The following CLEC16A variants were observed in gnomAD, a reference collection of about 807,000 sequenced individuals.
CLEC16A encodes the protein C-type lectin domain containing 16A, also known as protein CLEC16A.
A neutral mutation model predicts 109.5 loss-of-function variants in CLEC16A; 51 were observed. The ratio of observed to expected loss-of-function variants is 0.47; its 90% CI spans 0.37 to 0.59. The LOEUF (loss-of-function observed/expected upper bound fraction) is 0.59. Among genes scored for constraint, CLEC16A ranks in the 20% least tolerant of loss-of-function variants. The probability of loss-of-function intolerance (pLI) is 0.00; values close to 1 mark genes in which losing one functional copy is unlikely to be tolerated. For synonymous variants in CLEC16A, 673 were observed against 564.2 expected, an observed-to-expected ratio of 1.19 and a Z score of -2.73; for missense variants, 1,339 against 1,394.0, an observed-to-expected ratio of 0.96 and a Z score of 0.63.
chr16:11,136,222 C>CAT (rs2053552566), intron 22 of CLEC16A: 1 of 152,186 alleles, frequency 6.6e-6, no homozygotes, highest in African/African-American at 2.4e-5. Flanking sequence ...TCAGTTTATT[C>CAT]ATATAAGAAA....
At chr16:11,030,658 C>G (rs1338557825) in intron 13 of CLEC16A, among the ~76,000 whole-genome samples, 1 of 151,928 alleles carries the variant, frequency 6.6e-6, no homozygotes, top group Non-Finnish European at 1.5e-5. Flanking sequence ...TGTTTTGTTT[C>G]TTTTAAGACG....
chr16:11,105,038 T>C (rs923912778), intron 19 of CLEC16A, among the ~76,000 whole-genome samples: 1 of 152,202 alleles, frequency 6.6e-6, no homozygotes, highest in Non-Finnish European at 1.5e-5. Flanking sequence ...TATTCAGATC[T>C]TTTCTTGGAA....
rs1473633778 is a variant in CLEC16A, at chr16:11,147,252, AG to A, written c.2642-19135del. On this transcript the variant is annotated intron_variant, in intron 22 of 23. Coordinates refer to ENST00000409790, the MANE Select transcript of CLEC16A (RefSeq NM_015226.3). ...ATTTCCGCCCTGGCCAGATAAGGGG[AG>A]CTGAGACCCCAGTCCTGTATCCCAG... Among the ~76,000 whole-genome samples the A allele has an allele frequency of 7.9e-5, 12 of 152,086 alleles. 1 individual carries two copies. The highest frequency in any genetic ancestry group is 7.9e-4 in the Admixed American group (12 of 15,274).
At chr16:10,963,929 C>T (rs866885825) in intron 3 of CLEC16A, among the ~76,000 whole-genome samples, 1 of 152,176 alleles carries the variant, frequency 6.6e-6, no homozygotes, top group African/African-American at 2.4e-5. Context: ...TCCCCAGTGC[C>T]GAGGCTGAGA....
chr16:11,035,441 A>G (rs1395049508), intron 13 of CLEC16A, among the ~76,000 whole-genome samples: 1 of 152,236 alleles, frequency 6.6e-6, no homozygotes, highest in African/African-American at 2.4e-5. Context: ...ATCACATGAC[A>G]TACATAGCTT....
chr16:11,169,223 G>T (rs1190779597), intron 23 of CLEC16A, among the ~76,000 whole-genome samples: 2 of 152,208 alleles, frequency 1.3e-5, no homozygotes, highest in Non-Finnish European at 2.9e-5. Flanking sequence ...GAGAGCGGCT[G>T]CCAGACCCTC....
rs575845762 is a variant in CLEC16A, at chr16:11,160,639, C to T, written c.2642-5749C>T. The stretch of plus-strand genomic sequence containing the variant: ...CCCTAGGGGACTTAACTCACATCCC[C>T]GCATTAACAAAGTTTTTTCCCTAAC... On this transcript the variant is annotated intron_variant, in intron 22 of 23. Transcript: ENST00000409790. Among the ~76,000 whole-genome samples, 9 of 152,280 alleles carry T rather than the reference C, an allele frequency of 5.9e-5. No homozygotes were observed. The South Asian group carries it at 8.3e-4, about 14-fold the overall frequency.
intron 19 of CLEC16A, among the ~76,000 whole-genome samples, chr16:11,098,190 A>G (rs2050714772): frequency 6.6e-6 from 1 of 152,242 alleles, no homozygotes; most frequent in Non-Finnish European, 1.5e-5. Context: ...ACGCACTAGC[A>G]TGGTGGCAAA....
At chr16:10,981,364 C>T (rs145137282) in intron 9 of CLEC16A, among the ~76,000 whole-genome samples, 12 of 152,260 alleles carry the variant, frequency 7.9e-5, no homozygotes, top group African/African-American at 2.9e-4. Flanking sequence ...TAAGGGCCTG[C>T]CAAGCCTTGG....
At chr16:11,153,435 C>G (rs2054374889) in intron 22 of CLEC16A, among the ~76,000 whole-genome samples, 1 of 151,760 alleles carries the variant, frequency 6.6e-6, no homozygotes, top group African/African-American at 2.4e-5. Flanking sequence ...CTTAATTTTC[C>G]CAGATTTGCT....
intron 19 of CLEC16A, among the ~76,000 whole-genome samples, chr16:11,111,529 C>G (rs1461231638): frequency 6.6e-6 from 1 of 152,222 alleles, no homozygotes; most frequent in African/African-American, 2.4e-5. Context: ...GACCCCACCA[C>G]TTGATGGGAG....
chr16:11,105,503 G>A (rs912392824), intron 19 of CLEC16A, among the ~76,000 whole-genome samples: 20 of 152,210 alleles, frequency 1.3e-4, no homozygotes, highest in Non-Finnish European at 8.8e-5. Flanking sequence ...ATTTGACACG[G>A]GGGAAAGATG....
Position 11,123,877 on chromosome 16 carries a change from A to G in CLEC16A, c.2404A>G (p.Ile802Val), listed in dbSNP as rs780520711. The G allele has an allele frequency of 3.7e-6, 6 of 1,613,972 alleles. No homozygotes were observed. In the South Asian group the frequency reaches 5.5e-5, roughly 15 times the overall value. The change falls in exon 21 of 24, where the codon ATC (isoleucine) becomes GTC (valine). Residue 802 changes from isoleucine to valine, a missense_variant. Physicochemically the swap from Ile to Val is conservative, Grantham distance 29 (BLOSUM62 3). Around this residue, in one of 3 missense-constraint regions of CLEC16A, gnomAD observed 1,061 missense variants for 1,006.8 expected, o/e 1.05. Coordinates refer to ENST00000409790, the MANE Select transcript of CLEC16A (RefSeq NM_015226.3). ...TFIFSDHIRC[I>V]IAKQRLAKGR... ...CATCTTCTCAGACCACATCCGCTGC[A>G]TCATCGCCAAGCAGCGCCTGGCCAA...
intron 14 of CLEC16A, chr16:11,040,894 G>A (rs1259342816): frequency 6.6e-6 from 1 of 152,192 alleles, no homozygotes; most frequent in Non-Finnish European, 1.5e-5. Context: ...GACTGGCAGG[G>A]AGGTGGGCAG....
At chr16:11,037,228 C>G (rs1196424681) in intron 13 of CLEC16A, among the ~76,000 whole-genome samples, 1 of 152,216 alleles carries the variant, frequency 6.6e-6, no homozygotes, top group Non-Finnish European at 1.5e-5. Flanking sequence ...GACGGGCCCC[C>G]TGTGTGCTCC....
chr16:11,147,466 G>A (rs2054112874), intron 22 of CLEC16A, among the ~76,000 whole-genome samples: 1 of 152,226 alleles, frequency 6.6e-6, no homozygotes, highest in Non-Finnish European at 1.5e-5. Context: ...ACAGAACCTG[G>A]AGGGCAAGGT....
At chr16:10,997,410 A>G (rs1348042518) in intron 10 of CLEC16A, among the ~76,000 whole-genome samples, 1 of 152,238 alleles carries the variant, frequency 6.6e-6, no homozygotes, top group African/African-American at 2.4e-5. Flanking sequence ...TGGTATTCCC[A>G]TAAAGCCCCT....
intron 22 of CLEC16A, among the ~76,000 whole-genome samples, chr16:11,153,174 G>A (rs888575526): frequency 6.6e-6 from 1 of 152,060 alleles, no homozygotes; most frequent in Non-Finnish European, 1.5e-5. Context: ...ACTGCCCTCC[G>A]CCTGCTTCCT....
intron 13 of CLEC16A, among the ~76,000 whole-genome samples, chr16:11,032,957 G>T (rs563989232): frequency 6.6e-6 from 1 of 152,158 alleles, no homozygotes; most frequent in Non-Finnish European, 1.5e-5. Flanking sequence ...TAAAAGAAAC[G>T]TTGGCTACCA....
Sources: gnomAD v4.1 joint callset for allele counts (sites outside exome capture counted in the v4.1 genomes callset) on GRCh38, gnomAD v4.1.1 for gene constraint, gnomAD v4.1.1 regional missense constraint, MANE v1.5 for transcripts, NCBI Gene and HGNC (gene_info 2026-07-23, HGNC 2026-07-21) for gene names.